NFIC: variants seen among roughly 807,000 people sequenced by gnomAD.
NFIC encodes nuclear factor I C.
NFIC carries 12 observed loss-of-function variants against 54.4 expected under a neutral mutation model. That is an observed-to-expected ratio of 0.22 (90% confidence interval 0.14 to 0.36). NFIC has a LOEUF of 0.36. Among genes scored for constraint, NFIC ranks in the 10% least tolerant of loss-of-function variants. NFIC has a pLI of 1.00. For missense variants in NFIC, 575 were observed against 718.2 expected, an observed-to-expected ratio of 0.80 and a Z score of 2.28; for synonymous variants, 322 against 319.2, an observed-to-expected ratio of 1.01 and a Z score of -0.09.
upstream of NFIC, among the ~76,000 whole-genome samples, chr19:3,363,274 T>C (rs1349706324): frequency 1.4e-5 from 1 of 73,918 alleles, no homozygotes; most frequent in African/African-American, 4.3e-5. Context: ...TATATATTTT[T>C]TTTTTTTTTT....
At chr19:3,363,241 G>GTATA (rs1555736643), upstream of NFIC, among the ~76,000 whole-genome samples, 53 of 77,038 alleles carry the variant, frequency 6.9e-4, no homozygotes, top group Non-Finnish European at 1.1e-3. Flanking sequence ...GTATGTGTGT[G>GTATA]TATATATATA....
intron 1 of NFIC, 125 bp from the exon 2 acceptor site, chr19:3,381,587 C>A: frequency 1.4e-6 from 2 of 1,394,508 alleles, no homozygotes; most frequent in Non-Finnish European, 1.9e-6. Flanking sequence ...CTGCCCACCT[C>A]TGCCCAGCCC....
At chr19:3,439,333 CAAAAAAAAAAAAAAAAAAAAAAA>C (rs539916342) in intron 6 of NFIC, among the ~76,000 whole-genome samples, 49 of 23,326 alleles carry the variant, frequency 2.1e-3, no homozygotes, top group Middle Eastern at 0.056. Context: ...GACCCTGTCT[CAAAAAAAAAAAAAAAAAAAAAAA>C]AAAAAAAAAA....
In NFIC at chr19:3,435,238, T is replaced by C. The variant is rs754436972; in HGVS notation, c.958+31T>C. On this transcript the variant is annotated intron_variant, in intron 6 of 10. Coordinates refer to ENST00000443272, the MANE Select transcript of NFIC (RefSeq NM_001245002.2). ...GCTGGTGGCGGGGGCGGAGCCGGCC[T>C]TCCGGTCTGAGTCACCGTGGCGGGA... The C allele has an allele frequency of 1.3e-5, 20 of 1,539,784 alleles. No homozygotes were observed. The African/African-American group carries it at 2.7e-4, about 21-fold the overall frequency.
At chr19:3,427,868 AAG>A (rs946274960) in intron 3 of NFIC, among the ~76,000 whole-genome samples, 2 of 141,296 alleles carry the variant, frequency 1.4e-5, no homozygotes, top group African/African-American at 5.2e-5. Context: ...AAAGAAAAGA[AAG>A]AGAGAGAGAA....
chr19:3,454,413 G>T, intron 9 of NFIC: 1 of 300,530 alleles, frequency 3.3e-6, no homozygotes, highest in Non-Finnish European at 4.9e-6. Flanking sequence ...TCCTTTGGGT[G>T]ACCTGGGCTG....
At chr19:3,373,644 C>G (rs1284007224) in intron 1 of NFIC, among the ~76,000 whole-genome samples, 1 of 130,606 alleles carries the variant, frequency 7.7e-6, no homozygotes, top group Non-Finnish European at 1.6e-5. Flanking sequence ...AAAAACACCC[C>G]CCACCCCAGA....
intron 1 of NFIC, among the ~76,000 whole-genome samples, chr19:3,368,767 A>G (rs886987607): frequency 2.7e-4 from 41 of 152,300 alleles, no homozygotes; most frequent in Admixed American, 2.4e-3. Flanking sequence ...TGGGGGACTC[A>G]GAAGGACCCT....
At chr19:3,418,535 C>T (rs1378326291) in intron 2 of NFIC, among the ~76,000 whole-genome samples, 1 of 152,128 alleles carries the variant, frequency 6.6e-6, no homozygotes, top group Non-Finnish European at 1.5e-5. Flanking sequence ...GAGAACTATT[C>T]CCAGGTTTTA....
intron 1 of NFIC, among the ~76,000 whole-genome samples, chr19:3,377,654 C>G (rs1329668916): frequency 3.3e-5 from 5 of 151,998 alleles, no homozygotes; most frequent in African/African-American, 1.2e-4. Flanking sequence ...CTCTATCCCC[C>G]AGGCTGGAGT....
At chr19:3,415,087 G>A (rs1195103180) in intron 2 of NFIC, among the ~76,000 whole-genome samples, 3 of 152,052 alleles carry the variant, frequency 2.0e-5, no homozygotes, top group South Asian at 2.1e-4. Context: ...TGATCCAACC[G>A]CCTCAGGCTC....
intron 1 of NFIC, among the ~76,000 whole-genome samples, chr19:3,379,372 T>C (rs1465427463): frequency 6.6e-6 from 1 of 151,214 alleles, no homozygotes; most frequent in African/African-American, 2.4e-5. Flanking sequence ...TTTTTTTTTT[T>C]GAGACGGAGT....
At chr19:3,451,171 G>A (rs1045384914) in intron 7 of NFIC, among the ~76,000 whole-genome samples, 1 of 152,166 alleles carries the variant, frequency 6.6e-6, no homozygotes, top group African/African-American at 2.4e-5. Flanking sequence ...CCTTGAGGAC[G>A]TCATGCTCAG....
rs1363667701 is a variant in NFIC at position 3,382,066 on chromosome 19, C to A, written c.385C>A (p.Arg129=). The change falls in exon 2 of 11, where the codon CGG becomes AGG. Residue 129 remains arginine, a synonymous_variant. Coordinates refer to ENST00000443272, the MANE Select transcript of NFIC (RefSeq NM_001245002.2). The part of the protein sequence containing the change: ...DCLRQADKVW[R]LDLVMVILFK... ...TCTCCGGCAGGCGGACAAGGTGTGG[C>A]GGCTGGACCTGGTCATGGTCATCCT... The A allele has an allele frequency of 1.2e-6, 2 of 1,613,224 alleles. No homozygotes were observed. Among genetic ancestry groups the A allele is most frequent in the Non-Finnish European group, 1.7e-6 (2 of 1,179,934 alleles).
chr19:3,405,385 C>T (rs1375793646), intron 2 of NFIC, among the ~76,000 whole-genome samples: 2 of 152,038 alleles, frequency 1.3e-5, no homozygotes, highest in East Asian at 1.9e-4. Flanking sequence ...TCCAGACAGG[C>T]GATGGACAAG....
intron 2 of NFIC, among the ~76,000 whole-genome samples, chr19:3,388,021 T>G (rs927004180): frequency 6.6e-6 from 1 of 151,884 alleles, no homozygotes; most frequent in African/African-American, 2.4e-5. Flanking sequence ...GGCCCGCCCG[T>G]CCCAGCAGCT....
intron 1 of NFIC, chr19:3,359,786 G>A: frequency 8.0e-7 from 1 of 1,251,674 alleles, no homozygotes; most frequent in Non-Finnish European, 1.0e-6. Context: ...AGGGGGCGGG[G>A]GCCGCCCGGA....
intron 1 of NFIC, among the ~76,000 whole-genome samples, chr19:3,372,588 C>T (rs2081038383): frequency 6.6e-6 from 1 of 152,080 alleles, no homozygotes; most frequent in South Asian, 2.1e-4. Context: ...GGTGTGCGAC[C>T]GACCTCGGGG....
At chr19:3,371,975 TTCTC>T (rs1396304411) in intron 1 of NFIC, among the ~76,000 whole-genome samples, 2 of 31,972 alleles carry the variant, frequency 6.3e-5, no homozygotes, top group African/African-American at 1.9e-4. Context: ...TTCCTTCTCT[TTCTC>T]TCTCTCTCCC....
Sources: gnomAD v4.1 joint callset for allele counts (sites outside exome capture counted in the v4.1 genomes callset) on GRCh38, gnomAD v4.1.1 for gene constraint, MANE v1.5 for transcripts, NCBI Gene and HGNC (gene_info 2026-07-23, HGNC 2026-07-21) for gene names.